The following TENM2 variants were observed in gnomAD, a reference collection of about 807,000 sequenced individuals.
TENM2 encodes the protein teneurin-2.
A neutral mutation model predicts 245.2 loss-of-function variants in TENM2; 52 were observed. The observed-to-expected ratio is 0.21, with a 90% CI of 0.17 to 0.27. TENM2 has a LOEUF of 0.27. Among genes scored for constraint, TENM2 ranks in the 10% least tolerant of loss-of-function variants. The pLI is 1.00. For missense variants in TENM2, 3,046 were observed against 3,666.8 expected (o/e 0.83, Z 4.37); for synonymous variants, 1,363 against 1,438.9 (o/e 0.95, Z 1.19).
chr5:167,582,694 C>G (rs1775174712), intron 2 of TENM2, among the ~76,000 whole-genome samples: 1 of 152,118 alleles, frequency 6.6e-6, no homozygotes, highest in African/African-American at 2.4e-5. Context: ...TTTACAGAAA[C>G]CAAGCTGTAA....
chr5:167,928,440 T>C (rs1298647662), intron 3 of TENM2, among the ~76,000 whole-genome samples: 1 of 152,166 alleles, frequency 6.6e-6, no homozygotes, highest in Non-Finnish European at 1.5e-5. Context: ...GATAGAGCTG[T>C]GGGAGAGAGA....
chr5:167,801,110 ATAT>A lies in TENM2; in HGVS notation c.503-74875_503-74873del, dbSNP rs1314818628. On this transcript the variant is annotated intron_variant, in intron 2 of 28. Coordinates refer to ENST00000518659, the Ensembl canonical transcript of TENM2. ...TATTTGAAAAGAAAAAAAAAAAAAAATATATATATATATATATATATATATATA... is the reference window on the plus strand; with the variant it reads ...TATTTGAAAAGAAAAAAAAAAAAAAAATATATATATATATATATATATATA... 6.4e-3 allele frequency among the ~76,000 whole-genome samples: 397 copies of A among 62,314 alleles called. 4 individuals are homozygous for A. Among genetic ancestry groups the A allele is most frequent in the Middle Eastern group, 0.011 (1 of 90 alleles). The allele number at this position is 62,314 out of a possible 152,430, so 40.9% of individuals were successfully genotyped here.
At chr5:167,314,584 A>G (rs1017011325) in intron 1 of TENM2, among the ~76,000 whole-genome samples, 1 of 152,178 alleles carries the variant, frequency 6.6e-6, no homozygotes, top group Non-Finnish European at 1.5e-5. Flanking sequence ...ATCTTTACAT[A>G]AGATGAGATG....
chr5:168,062,664 G>A (rs1338532739), intron 7 of TENM2, among the ~76,000 whole-genome samples: 2 of 152,112 alleles, frequency 1.3e-5, no homozygotes, highest in African/African-American at 2.4e-5. Flanking sequence ...AACAAAATCC[G>A]ATATAGCCGT....
intron 19 of TENM2, among the ~76,000 whole-genome samples, chr5:168,209,445 G>T (rs1255604244): frequency 6.6e-6 from 1 of 152,172 alleles, no homozygotes; most frequent in Non-Finnish European, 1.5e-5. Flanking sequence ...ATTCAAGAAT[G>T]GCTAGCAACC....
the TENM2 span, among the ~76,000 whole-genome samples, chr5:167,070,107 ATATTTATT>A: frequency 1.8e-5 from 1 of 54,962 alleles, no homozygotes; most frequent in Admixed American, 1.4e-4. Flanking sequence ...CATTTGACAA[ATATTTATT>A]TATTTATTTA....
At chr5:167,007,111 G>A in the TENM2 span, among the ~76,000 whole-genome samples, 1 of 152,070 alleles carries the variant, frequency 6.6e-6, no homozygotes, top group African/African-American at 2.4e-5. This position sits in a 1 kb window ranked among gnomAD's most constrained non-coding sequence, Gnocchi z 4.2. Context: ...GCTACTGATT[G>A]CTTCTAATTT....
At chr5:167,790,249 C>A (rs1286352346) in intron 2 of TENM2, among the ~76,000 whole-genome samples, 1 of 151,938 alleles carries the variant, frequency 6.6e-6, no homozygotes, top group Non-Finnish European at 1.5e-5. Flanking sequence ...TAAAGCAGGG[C>A]ACAAAAGAAA....
chr5:167,744,407 A>G (rs1470131559), intron 2 of TENM2, among the ~76,000 whole-genome samples: 1 of 152,126 alleles, frequency 6.6e-6, no homozygotes, highest in Non-Finnish European at 1.5e-5. Context: ...ATGAAGCAAA[A>G]AGACCCTCCT....
intron 2 of TENM2, among the ~76,000 whole-genome samples, chr5:167,525,901 A>G (rs4309994): frequency 0.53 from 80,861 of 151,806 alleles, 23,115 homozygotes; most frequent in South Asian, 0.66. Flanking sequence ...TGTAGCTTGT[A>G]TTATTTTTAT....
intron 10 of TENM2, among the ~76,000 whole-genome samples, chr5:168,124,454 C>T (rs1049481622): frequency 2.6e-5 from 4 of 152,180 alleles, no homozygotes; most frequent in Admixed American, 6.5e-5. Flanking sequence ...TCCAGTTTGA[C>T]GACACATGTA....
At chr5:167,826,035 C>T (rs964975034) in intron 2 of TENM2, among the ~76,000 whole-genome samples, 1 of 151,998 alleles carries the variant, frequency 6.6e-6, no homozygotes, top group Admixed American at 6.6e-5. Flanking sequence ...GTACCTTTCT[C>T]TCCACCCCAA....
At chr5:167,360,531 T>G (rs1328557148) in intron 1 of TENM2, among the ~76,000 whole-genome samples, 1 of 152,200 alleles carries the variant, frequency 6.6e-6, no homozygotes, top group Admixed American at 6.5e-5. Context: ...GTCTTTCTGC[T>G]CATGGTATCC....
At chr5:168,207,527 G>T (rs182603984) in intron 19 of TENM2, among the ~76,000 whole-genome samples, 2 of 152,124 alleles carry the variant, frequency 1.3e-5, no homozygotes, top group Non-Finnish European at 2.9e-5. Flanking sequence ...ACCCAGAGCC[G>T]ATTAGAAGTT....
At chr5:167,444,702 A>G (rs543148981) in intron 2 of TENM2, among the ~76,000 whole-genome samples, 1 of 152,300 alleles carries the variant, frequency 6.6e-6, no homozygotes, top group Non-Finnish European at 1.5e-5. Flanking sequence ...GTTTATGCTG[A>G]ACCAGGAATA....
chr5:167,137,252 T>G, the TENM2 span, among the ~76,000 whole-genome samples: 15 of 152,222 alleles, frequency 9.9e-5, no homozygotes, highest in African/African-American at 3.6e-4. Flanking sequence ...TCTCTTACAC[T>G]GACCTCCTCT....
At chr5:167,779,613 C>G (rs183352719) in intron 2 of TENM2, among the ~76,000 whole-genome samples, 40 of 152,220 alleles carry the variant, frequency 2.6e-4, no homozygotes, top group African/African-American at 9.7e-4. Context: ...AGTCTTGGCA[C>G]TCACTAACTT....
At chr5:167,044,492 T>C in the TENM2 span, among the ~76,000 whole-genome samples, 2 of 152,164 alleles carry the variant, frequency 1.3e-5, no homozygotes, top group African/African-American at 4.8e-5. Context: ...ATGAGAAATA[T>C]GGGTTAGCAA....
In TENM2 at chr5:168,034,172, T is replaced by TACAC. The variant is rs397839230; in HGVS notation, c.1187-13241_1187-13238dup. On this transcript the variant is annotated intron_variant, in intron 5 of 28. Coordinates refer to ENST00000518659, the Ensembl canonical transcript of TENM2. ...ATGTGTATATATATATGTATATATATACACACACACACACACAAAAATTAA... is the reference window on the plus strand; with the variant it reads ...ATGTGTATATATATATGTATATATATACACACACACACACACACACAAAAATTAA... Among the ~76,000 whole-genome samples the TACAC allele has an allele frequency of 1.9e-4, 16 of 84,766 alleles. 1 individual carries two copies. Among genetic ancestry groups the TACAC allele is most frequent in the Middle Eastern group, 0.015 (2 of 132 alleles). The allele number at this position is 84,766 out of a possible 152,430, so 55.6% of individuals were successfully genotyped here. A position where few individuals can be genotyped will look rare whatever the true frequency, so the allele number is the denominator to read the frequency against.
Sources: allele counts gnomAD v4.1 joint callset (sites outside exome capture counted in the v4.1 genomes callset), GRCh38; gene constraint gnomAD v4.1.1; non-coding constraint Gnocchi (gnomAD v3.1); transcripts MANE v1.5; gene names NCBI Gene and HGNC (gene_info 2026-07-23, HGNC 2026-07-21).